MYLK4: variants seen among roughly 807,000 people sequenced by gnomAD.
MYLK4 encodes caMLCK like.
MYLK4 carries 46 observed loss-of-function variants against 48.1 expected under a neutral mutation model. The ratio of observed to expected loss-of-function variants is 0.96; its 90% CI spans 0.75 to 1.22. The LOEUF (loss-of-function observed/expected upper bound fraction) is 1.22, where lower values mean the gene tolerates loss of function less well. MYLK4 is among the 50% of genes most tolerant of loss of function. MYLK4 has a pLI of 0.00. For missense variants in MYLK4, 451 were observed against 486.1 expected, an observed-to-expected ratio of 0.93 and a Z score of 0.68; for synonymous variants, 170 against 180.8, an observed-to-expected ratio of 0.94 and a Z score of 0.48.
At chr6:2,746,149 C>A (rs1019725453) in intron 2 of MYLK4, among the ~76,000 whole-genome samples, 1 of 151,464 alleles carries the variant, frequency 6.6e-6, no homozygotes, top group African/African-American at 2.4e-5. Flanking sequence ...CGCCTGTAAT[C>A]CCGGCTACTC....
At chr6:2,716,155 ATTTC>A (rs1428271729) in intron 2 of MYLK4, among the ~76,000 whole-genome samples, 9 of 152,198 alleles carry the variant, frequency 5.9e-5, no homozygotes, top group Non-Finnish European at 1.3e-4. Flanking sequence ...CTCTTTCCTA[ATTTC>A]TTTCCCTCAT....
intron 7 of MYLK4, 67 bp downstream of exon 7, chr6:2,682,954 G>T: frequency 6.4e-7 from 1 of 1,574,788 alleles, no homozygotes; most frequent in Admixed American, 1.7e-5. Flanking sequence ...GCATATAATA[G>T]CAGACAGGGC....
the MYLK4 span, chr6:2,765,756 C>G: frequency 6.7e-7 from 1 of 1,487,978 alleles, no homozygotes; most frequent in Admixed American, 2.1e-5. Context: ...CTCCACCCGG[C>G]GGGGCACGCG....
Position 2,692,803 on chromosome 6 carries a change from T to C in MYLK4, c.216A>G (p.Lys72=). The change falls in exon 3 of 13, where the codon AAA becomes AAG. Residue 72 remains lysine (K), a synonymous_variant. Coordinates refer to ENST00000274643, the MANE Select transcript of MYLK4 (RefSeq NM_001012418.5). ...DLTERMPVKS[K]RTSALAVDIP... Reference sequence around the variant, plus strand: ...TGTTACCTGCGAGGGCTGATGTCCTTTTGCTTTTGACGGGCATCCTTTCCG... The same window carrying C: ...TGTTACCTGCGAGGGCTGATGTCCTCTTGCTTTTGACGGGCATCCTTTCCG... 6.2e-7 allele frequency: 1 copy of C among 1,613,904 alleles called. No homozygotes were observed. Among genetic ancestry groups the C allele is most frequent in the Non-Finnish European group, 8.5e-7 (1 of 1,179,946 alleles).
the MYLK4 span, among the ~76,000 whole-genome samples, chr6:2,762,684 T>C: frequency 1.3e-5 from 2 of 152,260 alleles, no homozygotes; most frequent in Non-Finnish European, 2.9e-5. Context: ...ATTAACTTGA[T>C]GAATAAACGC....
chr6:2,735,620 G>A (rs1014173779), intron 2 of MYLK4, among the ~76,000 whole-genome samples: 7 of 152,262 alleles, frequency 4.6e-5, no homozygotes, highest in Non-Finnish European at 8.8e-5. Context: ...CCATGGGGAC[G>A]GAGCTGCAGC....
intron 2 of MYLK4, among the ~76,000 whole-genome samples, chr6:2,728,814 C>T (rs890439818): frequency 6.6e-6 from 1 of 152,170 alleles, no homozygotes; most frequent in African/African-American, 2.4e-5. Flanking sequence ...TAACAGGGTC[C>T]CTGGCATCTC....
intron 3 of MYLK4, among the ~76,000 whole-genome samples, 155 bp downstream of exon 3, chr6:2,692,629 C>CAA (rs75767685): frequency 7.3e-4 from 28 of 38,370 alleles, no homozygotes; most frequent in African/African-American, 3.3e-3. Flanking sequence ...CAAACACAAG[C>CAA]AAAAAAAAAA....
Position 2,671,952 on chromosome 6 carries a change from G to A in MYLK4, c.1120-604C>T, listed in dbSNP as rs559953078. On this transcript the variant is annotated intron_variant, in intron 11 of 12. Coordinates refer to ENST00000274643, the MANE Select transcript of MYLK4 (RefSeq NM_001012418.5). The stretch of plus-strand genomic sequence containing the variant: ...TGGAGCAGGCCCTGACTGCAACCGG[G>A]TTGGGTCTAGTGTGGACAATGGGAA... Among the ~76,000 whole-genome samples the A allele has an allele frequency of 8.5e-5, 13 of 152,336 alleles. No homozygotes were observed. The East Asian group carries it at 2.3e-3, about 27-fold the overall frequency.
chr6:2,750,746 A>C lies in MYLK4; in HGVS notation c.-123T>G, dbSNP rs1764264918. The stretch of plus-strand genomic sequence containing the variant: ...AACAAAGATAATTACCATTGATAGG[A>C]TCACATCGAAGAGCTTGAGCCACTC... On this transcript the variant is annotated 5_prime_UTR_variant, in exon 1 of 13. Transcript: ENST00000274643. 2 of 152,422 alleles carry C rather than the reference A, an allele frequency of 1.3e-5. No individual in the cohort carries two copies. Among genetic ancestry groups the C allele is most frequent in the Middle Eastern group, 3.4e-3 (1 of 294 alleles). The allele number at this position is 152,422 out of a possible 1,614,324, so 9.4% of individuals were successfully genotyped here.
intron 2 of MYLK4, among the ~76,000 whole-genome samples, chr6:2,748,723 T>C (rs1183455924): frequency 6.6e-6 from 1 of 152,256 alleles, no homozygotes; most frequent in Non-Finnish European, 1.5e-5. Context: ...GTCCCTTCTC[T>C]GGACTTCACT....
At chr6:2,678,425 T>G in intron 9 of MYLK4, 53 bp from the exon 10 acceptor site, 4 of 1,572,874 alleles carry the variant, frequency 2.5e-6, no homozygotes, top group Non-Finnish European at 3.5e-6. Flanking sequence ...TCAACCCCTT[T>G]CCATACAGAT....
the MYLK4 span, among the ~76,000 whole-genome samples, chr6:2,759,335 G>A: frequency 6.6e-6 from 1 of 152,130 alleles, no homozygotes; most frequent in Non-Finnish European, 1.5e-5. Flanking sequence ...TTGAACTCCT[G>A]GGTTCAAGTG....
At chr6:2,692,891 C>T (rs1270461465) in intron 2 of MYLK4, 32 bp from the exon 3 acceptor site, 4 of 1,595,576 alleles carry the variant, frequency 2.5e-6, no homozygotes, top group Non-Finnish European at 3.4e-6. Context: ...ATTGAAGTTA[C>T]ATATCACATC....
intron 2 of MYLK4, among the ~76,000 whole-genome samples, chr6:2,703,827 C>T (rs376698304): frequency 6.6e-6 from 1 of 152,000 alleles, no homozygotes; most frequent in East Asian, 1.9e-4. Context: ...TGTGCCACCA[C>T]GCCCACCTAA....
At chr6:2,693,232 T>G (rs1761885282) in intron 2 of MYLK4, among the ~76,000 whole-genome samples, 1 of 152,220 alleles carries the variant, frequency 6.6e-6, no homozygotes, top group Non-Finnish European at 1.5e-5. Flanking sequence ...GCTCACTATT[T>G]TCAAAGAAAT....
chr6:2,690,823 C>CTTTTTTTTTTTT (rs35133716), intron 3 of MYLK4, among the ~76,000 whole-genome samples: 3 of 88,834 alleles, frequency 3.4e-5, no homozygotes, highest in East Asian at 3.6e-4. Flanking sequence ...CTCTCTGAAT[C>CTTTTTTTTTTTT]TTTTTTTTTT....
chr6:2,709,723 ATCTC>A (rs1441803076), intron 2 of MYLK4, among the ~76,000 whole-genome samples: 1 of 152,236 alleles, frequency 6.6e-6, no homozygotes, highest in East Asian at 1.9e-4. Flanking sequence ...CTAATGTACG[ATCTC>A]TCTAATTTGT....
At chr6:2,691,604 G>A (rs73350423) in intron 3 of MYLK4, among the ~76,000 whole-genome samples, 3,904 of 152,234 alleles carry the variant, frequency 0.026, 136 homozygotes, top group African/African-American at 0.084. Flanking sequence ...TCAGATTTAG[G>A]TTTTTAACTT....
Sources: allele counts gnomAD v4.1 joint callset (sites outside exome capture counted in the v4.1 genomes callset), GRCh38; gene constraint gnomAD v4.1.1; transcripts MANE v1.5; gene names NCBI Gene and HGNC (gene_info 2026-07-23, HGNC 2026-07-21).